The following ACER3 variants were observed in gnomAD, a reference collection of about 807,000 sequenced individuals.
ACER3 encodes the protein alkCDase 3.
ACER3 carries 16 observed loss-of-function variants against 48.9 expected under a neutral mutation model. The observed-to-expected ratio is 0.33, with a 90% CI of 0.22 to 0.50. The LOEUF (loss-of-function observed/expected upper bound fraction) is 0.50. Among genes scored for constraint, ACER3 ranks in the 20% least tolerant of loss-of-function variants. ACER3 has a pLI of 0.98. For synonymous variants in ACER3, 109 were observed against 107.8 expected (o/e 1.01, Z -0.07); for missense variants, 227 against 326.0 (o/e 0.70, Z 2.34).
chr11:76,933,104 T>G (rs648616), intron 2 of ACER3, among the ~76,000 whole-genome samples: 138,370 of 149,734 alleles, frequency 0.92, 64,193 homozygotes, highest in African/African-American at 0.98. Context: ...AGATCCTACC[T>G]AAAACAAAGA....
intron 1 of ACER3, among the ~76,000 whole-genome samples, chr11:76,882,738 A>C (rs1443776013): frequency 1.3e-5 from 2 of 152,198 alleles, no homozygotes; most frequent in African/African-American, 4.8e-5. Context: ...AGATTCAGGT[A>C]TCTTTGTTTC....
chr11:76,969,766 A>C (rs1027896651), intron 3 of ACER3, among the ~76,000 whole-genome samples: 2 of 121,184 alleles, frequency 1.7e-5, no homozygotes, highest in Non-Finnish European at 3.2e-5. Context: ...GGACACAGGA[A>C]GGGGAACATC....
chr11:76,882,799 A>C (rs983867186), intron 1 of ACER3, among the ~76,000 whole-genome samples: 1 of 152,202 alleles, frequency 6.6e-6, no homozygotes, highest in East Asian at 1.9e-4. Flanking sequence ...ATCTTGACTG[A>C]CTTGACTTGA....
In ACER3 at chr11:77,025,358, A is replaced by G. The variant is rs1430460004; in HGVS notation, c.*5031A>G. ...TTCAGGCTGCGTTGTATGGCCTGCA[A>G]GGTAAGAATGGTTATTTTATTTTAT... On this transcript the variant is annotated 3_prime_UTR_variant, in exon 11 of 11. Transcript: ENST00000532485. The G allele has an allele frequency of 2.0e-5, 3 of 147,700 alleles. No individual in the cohort carries two copies. Among genetic ancestry groups the G allele is most frequent in the Non-Finnish European group, 4.4e-5 (3 of 67,572 alleles). The allele number at this position is 147,700 out of a possible 1,614,324, so 9.1% of individuals were successfully genotyped here.
At chr11:76,867,519 G>A (rs1028580404) in intron 1 of ACER3, among the ~76,000 whole-genome samples, 2 of 148,514 alleles carry the variant, frequency 1.3e-5, no homozygotes, top group African/African-American at 5.0e-5. Flanking sequence ...AGCTGAGAGG[G>A]CAGCAGGAGT....
chr11:76,987,697 G>A (rs1948712795), intron 5 of ACER3, among the ~76,000 whole-genome samples: 1 of 152,170 alleles, frequency 6.6e-6, no homozygotes, highest in Non-Finnish European at 1.5e-5. Flanking sequence ...CAGCACTTTG[G>A]GAGGCCACGA....
At chr11:76,881,191 G>A (rs1945516075) in intron 1 of ACER3, among the ~76,000 whole-genome samples, 1 of 151,274 alleles carries the variant, frequency 6.6e-6, no homozygotes, top group African/African-American at 2.4e-5. Context: ...GGAGGTCAAT[G>A]CTGCAGTGAG....
Position 76,950,352 on chromosome 11 carries a change from CATATATATAT to C in ACER3, c.215-8577_215-8568del, listed in dbSNP as rs774580764. Among the ~76,000 whole-genome samples, 252 of 35,792 alleles carry C rather than the reference CATATATATAT, an allele frequency of 7.0e-3. 1 individual carries two copies. In the Middle Eastern group the frequency reaches 0.094, roughly 13 times the overall value. 23.5% of individuals were successfully genotyped at this position (35,792 alleles called of 152,430 possible). A position where few individuals can be genotyped will look rare whatever the true frequency, so the allele number is the denominator to read the frequency against. ...GTTTTAAACAGGAGAGTGACATGAT[CATATATATAT>C]ATATATATATATATATATATATATA... is the stretch of plus-strand genomic sequence containing the variant. On this transcript the variant is annotated intron_variant, in intron 2 of 10. Transcript: ENST00000532485.
intron 1 of ACER3, among the ~76,000 whole-genome samples, chr11:76,899,488 TTC>T (rs1189836159): frequency 1.4e-4 from 21 of 152,218 alleles, no homozygotes; most frequent in Non-Finnish European, 1.5e-5. Flanking sequence ...TATGCCTTTC[TTC>T]TCTTTCATTT....
At chr11:76,879,735 G>T (rs1283877146) in intron 1 of ACER3, among the ~76,000 whole-genome samples, 2 of 152,056 alleles carry the variant, frequency 1.3e-5, no homozygotes, top group African/African-American at 4.8e-5. Flanking sequence ...TTGAATGTTG[G>T]ATAAACTTTG....
At chr11:77,013,145 T>A (rs1278137657) in intron 7 of ACER3, among the ~76,000 whole-genome samples, 1 of 152,076 alleles carries the variant, frequency 6.6e-6, no homozygotes, top group Non-Finnish European at 1.5e-5. Flanking sequence ...GTAAATTATA[T>A]CTCAAAATGT....
At position 76,951,683 on chromosome 11, in the gene ACER3, C is replaced by T. The variant is rs922383992; in HGVS notation, c.215-7296C>T. ...TTACCAAAGGAGAAGGGAAAAAAAT[C>T]AGCCATTCAGCAAATACCTAATAAG... On this transcript the variant is annotated intron_variant, in intron 2 of 10. Coordinates refer to ENST00000532485, the MANE Select transcript of ACER3 (RefSeq NM_018367.7). Among the ~76,000 whole-genome samples, 4 of 152,290 alleles carry T rather than the reference C, an allele frequency of 2.6e-5. No individual in the cohort carries two copies. In the East Asian group the frequency reaches 7.7e-4, roughly 29 times the overall value.
At chr11:76,918,567 A>G (rs1476165112) in intron 1 of ACER3, among the ~76,000 whole-genome samples, 1 of 151,948 alleles carries the variant, frequency 6.6e-6, no homozygotes, top group Non-Finnish European at 1.5e-5. Flanking sequence ...CTTTTATTTT[A>G]AATTCAAGAG....
chr11:76,964,712 T>C (rs1432568851), intron 3 of ACER3, among the ~76,000 whole-genome samples: 1 of 151,312 alleles, frequency 6.6e-6, no homozygotes, highest in Non-Finnish European at 1.5e-5. Flanking sequence ...GGGTCTGAAG[T>C]GGACCTCCAG....
chr11:76,883,065 T>G (rs982026912), intron 1 of ACER3, among the ~76,000 whole-genome samples: 5 of 152,232 alleles, frequency 3.3e-5, no homozygotes, highest in African/African-American at 1.2e-4. Context: ...TCTTATGTAC[T>G]GTGTCAGCTG....
chr11:76,988,740 G>C (rs553680468), intron 5 of ACER3, among the ~76,000 whole-genome samples: 6 of 152,322 alleles, frequency 3.9e-5, no homozygotes, highest in Admixed American at 2.0e-4. Context: ...TAGAATTTCA[G>C]AGGTGAAATG....
intron 10 of ACER3, 45 bp from the exon 11 acceptor site, chr11:77,020,229 A>T: frequency 6.3e-7 from 1 of 1,592,050 alleles, no homozygotes. Flanking sequence ...ATAACATGGA[A>T]CAATTCTGTC....
At chr11:76,907,506 G>T (rs1226413856) in intron 1 of ACER3, among the ~76,000 whole-genome samples, 1 of 152,114 alleles carries the variant, frequency 6.6e-6, no homozygotes, top group African/African-American at 2.4e-5. Flanking sequence ...TGATTTTCTT[G>T]AGTGCTTTTA....
chr11:76,977,138 T>G (rs1409789895), intron 4 of ACER3, among the ~76,000 whole-genome samples: 2 of 152,234 alleles, frequency 1.3e-5, no homozygotes, highest in Admixed American at 1.3e-4. Flanking sequence ...CACAGAGAGA[T>G]GTAGTAACTT....
Sources: allele counts gnomAD v4.1 joint callset (sites outside exome capture counted in the v4.1 genomes callset), GRCh38; gene constraint gnomAD v4.1.1; transcripts MANE v1.5; gene names NCBI Gene and HGNC (gene_info 2026-07-23, HGNC 2026-07-21).